Variants in MAGI2 observed in about 807,000 individuals in gnomAD.
MAGI2 encodes the protein membrane associated guanylate kinase, WW and PDZ domain containing 2, also known as membrane-associated guanylate kinase, WW and PDZ domain-containing protein 2.
A neutral mutation model predicts 133.3 loss-of-function variants in MAGI2; 35 were observed. The ratio of observed to expected loss-of-function variants is 0.26; its 90% CI spans 0.20 to 0.35. The LOEUF is 0.35. Ranked by LOEUF, MAGI2 falls within the 10% of genes least tolerant of loss-of-function variation. MAGI2 has a pLI of 1.00. For missense variants in MAGI2, 1,636 were observed against 1,863.4 expected, an observed-to-expected ratio of 0.88 and a Z score of 2.25; for synonymous variants, 729 against 710.6, an observed-to-expected ratio of 1.03 and a Z score of -0.41.
intron 1 of MAGI2, among the ~76,000 whole-genome samples, chr7:79,163,388 G>T (rs748785941): frequency 4.6e-5 from 7 of 151,942 alleles, no homozygotes; most frequent in Non-Finnish European, 7.4e-5. Context: ...TGGCCAGGCT[G>T]GTTGCCAACT....
chr7:79,191,481 C>T (rs150229819), intron 1 of MAGI2, among the ~76,000 whole-genome samples: 1 of 117,268 alleles, frequency 8.5e-6, no homozygotes, highest in Non-Finnish European at 1.6e-5. Context: ...TGCAATGGCA[C>T]AATCACAGCT....
intron 1 of MAGI2, among the ~76,000 whole-genome samples, chr7:79,185,594 A>C (rs947277202): frequency 6.6e-6 from 1 of 150,662 alleles, no homozygotes; most frequent in African/African-American, 2.5e-5. Context: ...TAAATGAATG[A>C]ATTAATCAAT....
chr7:78,706,892 C>T (rs1482819619), intron 2 of MAGI2, among the ~76,000 whole-genome samples: 1 of 152,090 alleles, frequency 6.6e-6, no homozygotes, highest in East Asian at 1.9e-4. Flanking sequence ...GTGAATACAA[C>T]AGACTCAGGT....
At chr7:78,229,909 G>T (rs1453507567) in intron 10 of MAGI2, among the ~76,000 whole-genome samples, 1 of 152,072 alleles carries the variant, frequency 6.6e-6, no homozygotes, top group Non-Finnish European at 1.5e-5. Flanking sequence ...TGGCCAAGAG[G>T]TCCACCAATA....
chr7:79,370,702 T>A (rs906266707), intron 1 of MAGI2, among the ~76,000 whole-genome samples: 1 of 151,962 alleles, frequency 6.6e-6, no homozygotes, highest in African/African-American at 2.4e-5. Context: ...AATGAAGCCA[T>A]TATAGAAAAG....
intron 1 of MAGI2, among the ~76,000 whole-genome samples, chr7:79,179,323 C>A (rs756467305): frequency 6.6e-6 from 1 of 151,850 alleles, no homozygotes; most frequent in Non-Finnish European, 1.5e-5. Context: ...ATGACCACCA[C>A]AATTTCAAGA....
At chr7:79,013,863 G>T (rs574438424) in intron 1 of MAGI2, among the ~76,000 whole-genome samples, 2 of 152,156 alleles carry the variant, frequency 1.3e-5, no homozygotes, top group African/African-American at 4.8e-5. Context: ...AAGCCATAAA[G>T]CTCATTGAAG....
chr7:78,589,973 C>A (rs985270728), intron 3 of MAGI2, among the ~76,000 whole-genome samples: 2 of 152,156 alleles, frequency 1.3e-5, no homozygotes, highest in Non-Finnish European at 2.9e-5. Flanking sequence ...TATTGACAAA[C>A]TGCTATGAAA....
chr7:78,875,103 A>T (rs1477055717), intron 2 of MAGI2, among the ~76,000 whole-genome samples: 1 of 152,192 alleles, frequency 6.6e-6, no homozygotes, highest in Non-Finnish European at 1.5e-5. Context: ...AAAAAATCTG[A>T]GTATGAACTC....
At chr7:78,446,973 G>A (rs1788208748) in intron 6 of MAGI2, among the ~76,000 whole-genome samples, 1 of 151,972 alleles carries the variant, frequency 6.6e-6, no homozygotes, top group South Asian at 2.1e-4. Flanking sequence ...TTCTCAGAAG[G>A]ATCAGTCATT....
At chr7:78,957,766 G>GC (rs1206198705) in intron 2 of MAGI2, among the ~76,000 whole-genome samples, 4 of 152,094 alleles carry the variant, frequency 2.6e-5, no homozygotes, top group African/African-American at 9.7e-5. Context: ...AACCCACTCA[G>GC]CCTGGCTCCA....
intron 21 of MAGI2, chr7:78,072,865 T>C: frequency 2.5e-6 from 1 of 398,578 alleles, no homozygotes; most frequent in Non-Finnish European, 4.4e-6. Flanking sequence ...CTCCCTATGT[T>C]GCCTCTTCTG....
At chr7:78,203,760 A>G (rs2150769086) in intron 10 of MAGI2, among the ~76,000 whole-genome samples, 1 of 152,358 alleles carries the variant, frequency 6.6e-6, no homozygotes, top group African/African-American at 2.4e-5. Context: ...CTGTCAAATT[A>G]TTAATCATGT....
At chr7:78,893,009 C>T (rs1221657050) in intron 2 of MAGI2, among the ~76,000 whole-genome samples, 1 of 152,044 alleles carries the variant, frequency 6.6e-6, no homozygotes, top group East Asian at 1.9e-4. Flanking sequence ...CCAGAATCTA[C>T]AATGAACTCA....
At chr7:78,129,637 T>A (rs954601998) in intron 18 of MAGI2, among the ~76,000 whole-genome samples, 2 of 152,104 alleles carry the variant, frequency 1.3e-5, no homozygotes, top group Non-Finnish European at 2.9e-5. Context: ...AATGCACATC[T>A]CGTGGGCCCT....
At chr7:78,336,064 A>G (rs1409832528) in intron 9 of MAGI2, among the ~76,000 whole-genome samples, 4 of 152,178 alleles carry the variant, frequency 2.6e-5, no homozygotes, top group Admixed American at 2.0e-4. Flanking sequence ...GAATTGTCTA[A>G]AAGAATATAA....
intron 9 of MAGI2, among the ~76,000 whole-genome samples, chr7:78,315,767 C>G (rs1787353999): frequency 6.6e-6 from 1 of 152,130 alleles, no homozygotes; most frequent in African/African-American, 2.4e-5. Flanking sequence ...TCGTTTGTCT[C>G]TATTCATTTC....
chr7:78,937,405 G>A (rs1800598360), intron 2 of MAGI2, among the ~76,000 whole-genome samples: 1 of 151,524 alleles, frequency 6.6e-6, no homozygotes. Context: ...TCACCATTAG[G>A]CAAATTACTA....
chr7:78,369,105 A>G (rs774714676), intron 7 of MAGI2, 51 bp downstream of exon 7: 2 of 1,310,850 alleles, frequency 1.5e-6, no homozygotes, highest in Non-Finnish European at 2.1e-6. Flanking sequence ...AAATACTAAC[A>G]TAATTTCACA....
Sources: gnomAD v4.1 joint callset for allele counts (sites outside exome capture counted in the v4.1 genomes callset) on GRCh38, gnomAD v4.1.1 for gene constraint, MANE v1.5 for transcripts, NCBI Gene and HGNC (gene_info 2026-07-23, HGNC 2026-07-21) for gene names.